Variants in SOX6 observed in about 807,000 individuals in gnomAD.
The protein encoded by SOX6 is SRY-box transcription factor 6, also known as transcription factor SOX-6.
In SOX6, 11 loss-of-function variants were observed where a neutral mutation model predicts 97.8. The observed-to-expected ratio is 0.11, with a 90% CI of 0.07 to 0.19. The LOEUF (loss-of-function observed/expected upper bound fraction) is 0.19, where lower values mean the gene tolerates loss of function less well. Ranked by LOEUF, SOX6 falls within the 10% of genes least tolerant of loss-of-function variation. The pLI is 1.00. For synonymous variants in SOX6, 360 were observed against 371.4 expected, an observed-to-expected ratio of 0.97 and a Z score of 0.35; for missense variants, 810 against 1,039.5, an observed-to-expected ratio of 0.78 and a Z score of 3.04.
At chr11:16,162,158 C>T (rs1850766112) in intron 6 of SOX6, among the ~76,000 whole-genome samples, 1 of 152,180 alleles carries the variant, frequency 6.6e-6, no homozygotes, top group Non-Finnish European at 1.5e-5. Flanking sequence ...TTTACCCAGA[C>T]ATTCTTGCTT....
chr11:16,505,032 A>G (rs1371375709), intron 4 of SOX6, among the ~76,000 whole-genome samples: 1 of 152,218 alleles, frequency 6.6e-6, no homozygotes. Context: ...TGCAAAAAGG[A>G]AAGTGGGACA....
At chr11:16,462,330 T>C (rs1454735192) in intron 1 of SOX6, among the ~76,000 whole-genome samples, 1 of 152,262 alleles carries the variant, frequency 6.6e-6, no homozygotes, top group Non-Finnish European at 1.5e-5. Context: ...AAGATAGTTA[T>C]TGCTTCACAT....
At chr11:16,505,438 T>G (rs940472816) in intron 4 of SOX6, among the ~76,000 whole-genome samples, 12 of 152,120 alleles carry the variant, frequency 7.9e-5, no homozygotes, top group South Asian at 2.1e-4. Flanking sequence ...TTTATATTCA[T>G]GAGCAAAGAC....
chr11:16,116,388 TAG>T (rs907645903), intron 6 of SOX6, among the ~76,000 whole-genome samples: 25 of 152,218 alleles, frequency 1.6e-4, no homozygotes, highest in African/African-American at 5.5e-4. Flanking sequence ...TTAAAAGTTA[TAG>T]AGTCAGGACT....
At chr11:16,039,766 G>A (rs749430313) in intron 12 of SOX6, among the ~76,000 whole-genome samples, 2 of 151,906 alleles carry the variant, frequency 1.3e-5, no homozygotes, top group Admixed American at 6.6e-5. Context: ...ATTTGTTATT[G>A]TTATCTTAAA....
At chr11:16,667,560 A>C (rs1388471647) in intron 3 of SOX6, among the ~76,000 whole-genome samples, 1 of 149,882 alleles carries the variant, frequency 6.7e-6, no homozygotes, top group Non-Finnish European at 1.5e-5. Context: ...AAAAAAAAAA[A>C]CTTTTATCCT....
At chr11:16,313,446 T>C (rs974030963) in intron 3 of SOX6, 1 of 152,046 alleles carries the variant, frequency 6.6e-6, no homozygotes, top group Admixed American at 6.6e-5. Context: ...ATGAAGTAGA[T>C]GTGAGGGAGA....
chr11:16,648,694 T>C (rs1241866652), intron 3 of SOX6, among the ~76,000 whole-genome samples: 1 of 152,164 alleles, frequency 6.6e-6, no homozygotes. Context: ...AGAAAAGTAC[T>C]TCTGGTAATA....
intron 4 of SOX6, among the ~76,000 whole-genome samples, chr11:16,585,679 T>A (rs1308569041): frequency 4.2e-5 from 5 of 118,720 alleles, no homozygotes; most frequent in Non-Finnish European, 5.2e-5. Flanking sequence ...TTTTTTTTTT[T>A]ACTTTTTTTT....
intron 13 of SOX6, among the ~76,000 whole-genome samples, chr11:16,011,505 A>G (rs952425553): frequency 6.6e-6 from 1 of 152,050 alleles, no homozygotes; most frequent in Non-Finnish European, 1.5e-5. Context: ...TTCCTTGCCT[A>G]TGGTTTTGTC....
At chr11:16,709,523 A>T (rs982080090) in intron 3 of SOX6, among the ~76,000 whole-genome samples, 5 of 151,328 alleles carry the variant, frequency 3.3e-5, no homozygotes, top group African/African-American at 1.2e-4. Flanking sequence ...GTCTCAAAAA[A>T]AAAAGAAGTG....
chr11:15,981,252 T>G (rs1350123601), intron 15 of SOX6, among the ~76,000 whole-genome samples: 1 of 151,994 alleles, frequency 6.6e-6, no homozygotes, highest in Non-Finnish European at 1.5e-5. Flanking sequence ...AAAACAACAT[T>G]TGTGGATGTT....
chr11:16,543,413 A>C (rs1861437376), intron 4 of SOX6, among the ~76,000 whole-genome samples: 1 of 150,018 alleles, frequency 6.7e-6, no homozygotes, highest in South Asian at 2.1e-4. Context: ...GTAAAAAAAA[A>C]AAATCATCTT....
At position 16,737,231 on chromosome 11, in the gene SOX6, G is replaced by A. The variant is rs116621739; in HGVS notation, n.220-759C>T. On this transcript the variant is annotated intron_variant and non_coding_transcript_variant, in intron 1 of 5. Coordinates refer to the SOX6 transcript ENST00000524520. ...TTATTTATTTATTTATTTAGAGACC[G>A]AGTCTCGTTCTGTCACCCAGGCTGG... 6.2e-3 allele frequency among the ~76,000 whole-genome samples: 946 copies of A among 152,204 alleles called. 13 individuals are homozygous for A. The highest frequency in any genetic ancestry group is 0.021 in the African/African-American group (858 of 41,528).
intron 4 of SOX6, among the ~76,000 whole-genome samples, chr11:16,208,139 T>G (rs1412953864): frequency 6.6e-6 from 1 of 152,206 alleles, no homozygotes. Flanking sequence ...CTATCTGATG[T>G]TTTGAATAAT....
At chr11:16,292,625 G>A (rs1194110574) in intron 3 of SOX6, among the ~76,000 whole-genome samples, 1 of 152,142 alleles carries the variant, frequency 6.6e-6, no homozygotes, top group South Asian at 2.1e-4. Context: ...TCAGAAGAAA[G>A]AAATAAAACT....
chr11:16,257,526 A>G (rs1039945809), intron 3 of SOX6, among the ~76,000 whole-genome samples: 3 of 151,962 alleles, frequency 2.0e-5, no homozygotes, highest in African/African-American at 7.2e-5. Context: ...GAGTCTAGAC[A>G]TATATCTTAT....
chr11:16,737,730 A>C (rs1161665361), intron 1 of SOX6, among the ~76,000 whole-genome samples: 1 of 152,042 alleles, frequency 6.6e-6, no homozygotes, highest in African/African-American at 2.4e-5. Context: ...AGAGAGGGCG[A>C]GAAATGGGGA....
chr11:16,161,189 CA>C (rs1850740165), intron 6 of SOX6, among the ~76,000 whole-genome samples: 3 of 152,038 alleles, frequency 2.0e-5, no homozygotes, highest in Non-Finnish European at 4.4e-5. Flanking sequence ...AAAAGATACA[CA>C]CAGTTGGTTC....
Sources: gnomAD v4.1 joint callset for allele counts (sites outside exome capture counted in the v4.1 genomes callset) on GRCh38, gnomAD v4.1.1 for gene constraint, MANE v1.5 for transcripts, NCBI Gene and HGNC (gene_info 2026-07-23, HGNC 2026-07-21) for gene names.